The following TRDN variants were observed in gnomAD, a reference collection of about 807,000 sequenced individuals.
TRDN encodes the protein triadin, also known as triadin in skeletal muscle.
TRDN carries 161 observed loss-of-function variants against 149.7 expected under a neutral mutation model. The ratio of observed to expected loss-of-function variants is 1.08; its 90% CI spans 0.95 to 1.23. The LOEUF (loss-of-function observed/expected upper bound fraction) is 1.23. Ranked by LOEUF, TRDN falls within the 50% of genes most tolerant of loss-of-function variation. The pLI, the probability that TRDN is intolerant of heterozygous loss-of-function variation, is 0.00. For synonymous variants in TRDN, 294 were observed against 250.5 expected (o/e 1.17, Z -1.64); for missense variants, 896 against 823.5 (o/e 1.09, Z -1.08).
intron 1 of TRDN, among the ~76,000 whole-genome samples, chr6:123,613,866 G>A (rs998101027): frequency 5.3e-5 from 8 of 152,110 alleles, no homozygotes; most frequent in African/African-American, 1.7e-4. Context: ...TTCTTAAAAA[G>A]GCTCATATAC....
At chr6:123,514,631 A>AACACACACAC (rs60716520) in intron 6 of TRDN, among the ~76,000 whole-genome samples, 164 of 147,586 alleles carry the variant, frequency 1.1e-3, no homozygotes, top group Middle Eastern at 6.8e-3. Flanking sequence ...ACATACCCAA[A>AACACACACAC]ACACACACAC....
At chr6:123,612,249 A>G (rs181202661) in intron 1 of TRDN, among the ~76,000 whole-genome samples, 1,889 of 102,278 alleles carry the variant, frequency 0.018, 78 homozygotes, top group African/African-American at 0.07. Context: ...ACAGAAAAAA[A>G]AAAGTTATCT....
chr6:123,499,716 AAAAAT>A (rs1211162852), intron 8 of TRDN, among the ~76,000 whole-genome samples: 1 of 110,668 alleles, frequency 9.0e-6, no homozygotes, highest in African/African-American at 3.3e-5. Flanking sequence ...AAAAAAAAAA[AAAAAT>A]ATATATATAT....
intron 33 of TRDN, 147 bp downstream of exon 33, chr6:123,265,171 A>G: frequency 1.8e-6 from 1 of 561,914 alleles, no homozygotes; most frequent in Non-Finnish European, 2.8e-6. Flanking sequence ...ATCCTTTGTC[A>G]ACCAGACTCA....
At chr6:123,474,104 T>A (rs1777335436) in intron 9 of TRDN, among the ~76,000 whole-genome samples, 1 of 151,906 alleles carries the variant, frequency 6.6e-6, no homozygotes, top group Non-Finnish European at 1.5e-5. Context: ...ATATTAACTT[T>A]AAATGTCAAT....
chr6:123,350,216 T>C, intron 21 of TRDN: 2 of 967,590 alleles, frequency 2.1e-6, no homozygotes, highest in Non-Finnish European at 2.5e-6. Context: ...ACTGTCGAAG[T>C]GATTTTTAAT....
In TRDN at chr6:123,406,251, A is replaced by G. The variant is rs76678229; in HGVS notation, c.1052-12574T>C. On this transcript the variant is annotated intron_variant, in intron 12 of 40. Coordinates refer to ENST00000334268, the MANE Select transcript of TRDN (RefSeq NM_006073.4). ...CACAAACATCAAGATTGTATACCACATTAAATTCAGAAAGTATCTCCAATA... is the reference window on the plus strand; with the variant it reads ...CACAAACATCAAGATTGTATACCACGTTAAATTCAGAAAGTATCTCCAATA... Among the ~76,000 whole-genome samples, 469 of 152,300 alleles carry G rather than the reference A, an allele frequency of 3.1e-3. 14 individuals are homozygous for G. In the East Asian group the frequency reaches 0.076, roughly 25 times the overall value.
intron 5 of TRDN, chr6:123,528,742 AC>A: frequency 2.0e-6 from 2 of 988,476 alleles, no homozygotes; most frequent in Non-Finnish European, 2.4e-6. Flanking sequence ...GCATTAGTCT[AC>A]CCCATTTACA....
chr6:123,579,529 C>T (rs926949843), intron 1 of TRDN, among the ~76,000 whole-genome samples: 5 of 152,056 alleles, frequency 3.3e-5, no homozygotes, highest in Admixed American at 6.6e-5. Flanking sequence ...GATGTGCTGA[C>T]GGATTTGGTT....
intron 7 of TRDN, among the ~76,000 whole-genome samples, chr6:123,510,453 T>C (rs1441049558): frequency 6.6e-6 from 1 of 152,104 alleles, no homozygotes; most frequent in African/African-American, 2.4e-5. Flanking sequence ...AAGATTAAAT[T>C]ACCAAATAAA....
At chr6:123,616,433 C>T (rs914752343) in intron 1 of TRDN, among the ~76,000 whole-genome samples, 1 of 151,366 alleles carries the variant, frequency 6.6e-6, no homozygotes, top group African/African-American at 2.4e-5. Flanking sequence ...GTGCTTCATG[C>T]AGTGTCTGAT....
intron 12 of TRDN, among the ~76,000 whole-genome samples, chr6:123,415,199 C>T (rs1405244779): frequency 6.6e-6 from 1 of 152,204 alleles, no homozygotes; most frequent in Non-Finnish European, 1.5e-5. Context: ...TCAGGCTGAA[C>T]TATCCTTACA....
chr6:123,621,831 T>C (rs1785398413), intron 1 of TRDN, among the ~76,000 whole-genome samples: 3 of 152,116 alleles, frequency 2.0e-5, no homozygotes, highest in African/African-American at 7.2e-5. Context: ...GAGCCTTAAT[T>C]GGGAAGCGAC....
At chr6:123,593,705 A>T (rs185563641) in intron 1 of TRDN, among the ~76,000 whole-genome samples, 1 of 152,252 alleles carries the variant, frequency 6.6e-6, no homozygotes, top group Admixed American at 6.5e-5. Flanking sequence ...CACCTTAATG[A>T]CCTAATTTTA....
At chr6:123,474,934 A>C (rs1256654254) in intron 9 of TRDN, among the ~76,000 whole-genome samples, 1 of 152,210 alleles carries the variant, frequency 6.6e-6, no homozygotes, top group South Asian at 2.1e-4. Context: ...CAGTGTGTAG[A>C]GGGAAATTTA....
chr6:123,221,401 G>C, intron 40 of TRDN, 86 bp downstream of exon 40: 2 of 968,560 alleles, frequency 2.1e-6, no homozygotes, highest in Non-Finnish European at 3.0e-6. Flanking sequence ...TCGAATACTG[G>C]TCTTAAGAGA....
intron 12 of TRDN, among the ~76,000 whole-genome samples, chr6:123,408,866 T>C (rs1420941882): frequency 2.0e-5 from 3 of 152,084 alleles, no homozygotes; most frequent in Non-Finnish European, 2.9e-5. Flanking sequence ...GTGGAACCCA[T>C]AGAATACTAG....
intron 9 of TRDN, among the ~76,000 whole-genome samples, chr6:123,491,876 T>C (rs1222269066): frequency 6.6e-6 from 1 of 152,196 alleles, no homozygotes; most frequent in Non-Finnish European, 1.5e-5. Context: ...AGCTAAATGG[T>C]ACCTAGTCTT....
At chr6:123,596,261 C>T (rs1209194779) in intron 1 of TRDN, among the ~76,000 whole-genome samples, 1 of 152,074 alleles carries the variant, frequency 6.6e-6, no homozygotes, top group African/African-American at 2.4e-5. Context: ...GGCACTAACT[C>T]TCTTCAATTC....
Sources: gnomAD v4.1 joint callset for allele counts (sites outside exome capture counted in the v4.1 genomes callset) on GRCh38, gnomAD v4.1.1 for gene constraint, MANE v1.5 for transcripts, NCBI Gene and HGNC (gene_info 2026-07-23, HGNC 2026-07-21) for gene names.